MSRA: variants seen among roughly 807,000 people sequenced by gnomAD.
MSRA encodes the protein methionine sulfoxide reductase A.
MSRA carries 54 observed loss-of-function variants against 31.3 expected under a neutral mutation model. That is an observed-to-expected ratio of 1.73 (90% CI 1.39 to 2.17). The LOEUF (loss-of-function observed/expected upper bound fraction) is 2.17. Among genes scored for constraint, MSRA ranks in the 30% most tolerant of loss-of-function variants. MSRA has a pLI of 0.00. For missense variants in MSRA, 507 were observed against 300.9 expected (o/e 1.69, Z -5.07); for synonymous variants, 169 against 116.5 (o/e 1.45, Z -2.90).
chr8:10,197,660 T>A (rs1808113102), intron 1 of MSRA, among the ~76,000 whole-genome samples: 1 of 152,150 alleles, frequency 6.6e-6, no homozygotes, highest in Non-Finnish European at 1.5e-5. Context: ...AGATATGGGT[T>A]CCCAGGTCTC....
intron 4 of MSRA, among the ~76,000 whole-genome samples, chr8:10,312,905 A>G (rs979199659): frequency 6.6e-6 from 1 of 152,250 alleles, no homozygotes; most frequent in Non-Finnish European, 1.5e-5. Context: ...TAAGGAGTAC[A>G]TGCAAAAGCC....
intron 1 of MSRA, among the ~76,000 whole-genome samples, chr8:10,201,874 G>T (rs568659672): frequency 6.6e-6 from 1 of 152,352 alleles, no homozygotes; most frequent in African/African-American, 2.4e-5. Flanking sequence ...GCCATCAGCA[G>T]AGGTTGTCCT....
intron 2 of MSRA, among the ~76,000 whole-genome samples, chr8:10,230,321 T>C (rs190315273): frequency 1.2e-3 from 181 of 152,324 alleles, no homozygotes; most frequent in African/African-American, 4.2e-3. Context: ...GAGAAGGTTA[T>C]ACCGGAAATG....
chr8:10,284,326 C>G (rs1243928206), intron 3 of MSRA, among the ~76,000 whole-genome samples: 1 of 152,034 alleles, frequency 6.6e-6, no homozygotes, highest in Non-Finnish European at 1.5e-5. Context: ...ATAGCTGGGA[C>G]TATAGGCGCC....
At chr8:10,198,815 A>T (rs891846026) in intron 1 of MSRA, among the ~76,000 whole-genome samples, 1 of 152,052 alleles carries the variant, frequency 6.6e-6, no homozygotes, top group African/African-American at 2.4e-5. Flanking sequence ...TTTTGTAGCA[A>T]TGGGAGTCTC....
rs146019882 is a variant in MSRA, at chr8:10,131,054, T to C, written c.142+76396T>C. Among the ~76,000 whole-genome samples the C allele has an allele frequency of 3.1e-3, 476 of 152,302 alleles. 1 individual carries two copies. Among genetic ancestry groups the C allele is most frequent in the African/African-American group, 0.011 (456 of 41,560 alleles). Reference sequence around the variant, plus strand: ...GCAAACTACAGAACTATAAAAGTTATCAGAAAGGACACATTCTTGCCTATT... The same window carrying C: ...GCAAACTACAGAACTATAAAAGTTACCAGAAAGGACACATTCTTGCCTATT... On this transcript the variant is annotated intron_variant, in intron 1 of 5. Coordinates refer to ENST00000317173, the MANE Select transcript of MSRA (RefSeq NM_012331.5).
intron 1 of MSRA, among the ~76,000 whole-genome samples, chr8:10,107,591 A>G (rs982434032): frequency 2.6e-5 from 4 of 152,230 alleles, no homozygotes; most frequent in African/African-American, 9.7e-5. Flanking sequence ...CTATTTCTGT[A>G]TGTAAGCATT....
At chr8:10,334,865 C>T (rs576325165) in intron 5 of MSRA, among the ~76,000 whole-genome samples, 4 of 152,276 alleles carry the variant, frequency 2.6e-5, no homozygotes, top group Admixed American at 6.5e-5. Context: ...CTCCCCCGCT[C>T]TGGCCGCTCC....
intron 1 of MSRA, among the ~76,000 whole-genome samples, chr8:10,176,793 AG>A (rs1806094595): frequency 6.6e-6 from 1 of 152,184 alleles, no homozygotes; most frequent in African/African-American, 2.4e-5. Flanking sequence ...GTCCCCACCC[AG>A]GGCTCCTGCC....
intron 1 of MSRA, among the ~76,000 whole-genome samples, chr8:10,201,895 GT>G (rs1169245843): frequency 1.3e-5 from 2 of 152,238 alleles, no homozygotes; most frequent in Non-Finnish European, 2.9e-5. Context: ...CCCAGAGCAT[GT>G]GGCTTTGGCA....
At position 10,108,719 on chromosome 8, in the gene MSRA, G is replaced by C. The variant is rs566855855; in HGVS notation, c.142+54061G>C. Among the ~76,000 whole-genome samples, 4 of 152,268 alleles carry C rather than the reference G, an allele frequency of 2.6e-5. No homozygotes were observed. The East Asian group carries it at 7.7e-4, about 29-fold the overall frequency. The stretch of plus-strand genomic sequence containing the variant: ...TCACGAGGGGGTGTGATGGATCTTT[G>C]CAGGTCTCTAGCACTTATCAGAAAT... On this transcript the variant is annotated intron_variant, in intron 1 of 5. Transcript: ENST00000317173.
At chr8:10,201,720 T>TC (rs1425930426) in intron 1 of MSRA, among the ~76,000 whole-genome samples, 7 of 152,306 alleles carry the variant, frequency 4.6e-5, no homozygotes, top group Non-Finnish European at 1.0e-4. Context: ...TTTGAACATG[T>TC]CCCCCCGATC....
At chr8:10,092,899 C>T (rs1306282628) in intron 1 of MSRA, among the ~76,000 whole-genome samples, 5 of 152,108 alleles carry the variant, frequency 3.3e-5, no homozygotes, top group African/African-American at 4.8e-5. Flanking sequence ...TTGGTTGTCT[C>T]TTCTTGATGA....
At chr8:10,369,265 C>T (rs79679988) in intron 5 of MSRA, among the ~76,000 whole-genome samples, 10 of 146,340 alleles carry the variant, frequency 6.8e-5, no homozygotes, top group East Asian at 6.0e-4. Flanking sequence ...AAAAAAAAAA[C>T]GAAGAAGAAA....
intron 5 of MSRA, among the ~76,000 whole-genome samples, chr8:10,386,015 C>T (rs555985701): frequency 6.6e-6 from 1 of 152,284 alleles, no homozygotes; most frequent in East Asian, 1.9e-4. Context: ...CAGACCCTGT[C>T]TGTGAGTATT....
intron 5 of MSRA, among the ~76,000 whole-genome samples, chr8:10,333,194 C>T (rs572484118): frequency 1.3e-5 from 2 of 152,218 alleles, no homozygotes; most frequent in South Asian, 4.1e-4. Context: ...ACGGGCCACA[C>T]TCCTACTCAT....
intron 1 of MSRA, among the ~76,000 whole-genome samples, chr8:10,194,339 G>A (rs982131363): frequency 6.6e-6 from 1 of 152,186 alleles, no homozygotes; most frequent in Admixed American, 6.5e-5. Context: ...AGCCGAGACA[G>A]GTGGATCACT....
At chr8:10,132,993 T>A (rs1375234423) in intron 1 of MSRA, among the ~76,000 whole-genome samples, 1 of 152,152 alleles carries the variant, frequency 6.6e-6, no homozygotes, top group African/African-American at 2.4e-5. Context: ...AAGCACCATA[T>A]GGGGTCCTGC....
At chr8:10,159,471 G>C (rs192646978) in intron 1 of MSRA, among the ~76,000 whole-genome samples, 47 of 152,318 alleles carry the variant, frequency 3.1e-4, no homozygotes, top group African/African-American at 1.1e-3. Context: ...GGATATTTGA[G>C]CTTACCTCTT....
Sources: gnomAD v4.1 joint callset for allele counts (sites outside exome capture counted in the v4.1 genomes callset) on GRCh38, gnomAD v4.1.1 for gene constraint, MANE v1.5 for transcripts, NCBI Gene and HGNC (gene_info 2026-07-23, HGNC 2026-07-21) for gene names.